SYTL5: variants seen among roughly 807,000 people sequenced by gnomAD.
The protein encoded by SYTL5 is synaptotagmin like 5.
Under a neutral mutation model 55.9 loss-of-function variants are expected in SYTL5, and 34 were observed. The ratio of observed to expected loss-of-function variants is 0.61; its 90% CI spans 0.46 to 0.81. The LOEUF (loss-of-function observed/expected upper bound fraction) is 0.81, where lower values mean the gene tolerates loss of function less well. Among genes scored for constraint, SYTL5 ranks in the 30% least tolerant of loss-of-function variants. The probability of loss-of-function intolerance (pLI) is 0.00; values close to 1 mark genes in which losing one functional copy is unlikely to be tolerated. For synonymous variants in SYTL5, 221 were observed against 188.7 expected (o/e 1.17, Z -1.40); for missense variants, 637 against 546.7 (o/e 1.17, Z -1.65).
chrX:37,982,016 C>T, the SYTL5 span, among the ~76,000 whole-genome samples: 8 of 112,097 alleles, frequency 7.1e-5, no homozygotes, highest in African/African-American at 2.6e-4. Flanking sequence ...AATTGTAAGA[C>T]ATTCAAAGAA....
chrX:38,062,922 G>T (rs962427037), intron 3 of SYTL5, among the ~76,000 whole-genome samples: 24 of 111,534 alleles, frequency 2.2e-4, no homozygotes, highest in South Asian at 1.5e-3. Context: ...AATTTATCAA[G>T]ATACCAATGT....
chrX:38,033,932 G>T lies in SYTL5; in HGVS notation c.43G>T (p.Asp15Tyr). Residue 15 changes from aspartate (D) to tyrosine (Y), a missense_variant, in exon 2 of 17, where the codon GAT (aspartate) becomes TAT (tyrosine). Coordinates refer to ENST00000297875, the MANE Select transcript of SYTL5 (RefSeq NM_138780.3). The stretch of plus-strand genomic sequence containing the variant: ...GTTCATCAATCTGTCATTTTTATTA[G>T]ATCATGAGAAGGAAATGATCCTGGG... ...SEFINLSFLL[D>Y]HEKEMILGVL... The T allele has an allele frequency of 8.3e-7, 1 of 1,199,286 alleles. No homozygotes were observed. Among genetic ancestry groups the T allele is most frequent in the Non-Finnish European group, 1.1e-6 (1 of 887,290 alleles).
intron 2 of SYTL5, among the ~76,000 whole-genome samples, chrX:38,039,985 C>A (rs938742944): frequency 1.8e-5 from 2 of 110,581 alleles, no homozygotes; most frequent in African/African-American, 6.6e-5. Flanking sequence ...ACCATCCTGG[C>A]TAACACGGTA....
the SYTL5 span, among the ~76,000 whole-genome samples, chrX:37,889,358 G>C: frequency 9.0e-6 from 1 of 111,426 alleles, no homozygotes; most frequent in Admixed American, 9.5e-5. Context: ...TCGTGGTGTG[G>C]CCAGGGCTCT....
the SYTL5 span, among the ~76,000 whole-genome samples, chrX:37,919,871 G>A: frequency 8.9e-6 from 1 of 111,981 alleles, no homozygotes; most frequent in African/African-American, 3.2e-5. Context: ...AATTACATTT[G>A]GGCAGTATTT....
the SYTL5 span, among the ~76,000 whole-genome samples, chrX:37,902,811 C>T: frequency 1.8e-5 from 2 of 111,696 alleles, no homozygotes; most frequent in Non-Finnish European, 3.8e-5. Flanking sequence ...CAAGAATTGT[C>T]CCTGGAGTTA....
chrX:37,895,744 G>T, the SYTL5 span, among the ~76,000 whole-genome samples: 2 of 109,749 alleles, frequency 1.8e-5, no homozygotes, highest in Non-Finnish European at 3.8e-5. Context: ...CTCTCTCGGA[G>T]GTGGTTAAGT....
rs186552978 is a variant in SYTL5 at position 38,108,493 on chromosome X, G to A, written c.1335-107G>A. The stretch of plus-strand genomic sequence containing the variant: ...AGACAAAATTCTCTTTGGTATTTCC[G>A]CTCATGCTCACTGGCCCTTTGCCCC... On this transcript the variant is annotated intron_variant, in intron 11 of 16. Transcript: ENST00000297875. 1,487 of 526,231 alleles carry A rather than the reference G, an allele frequency of 2.8e-3. 3 individuals carry two copies. The highest frequency in any genetic ancestry group is 4.2e-3 in the Non-Finnish European group (1,339 of 316,625). 43.4% of individuals were successfully genotyped at this position (526,231 alleles called of 1,213,427 possible). A position where few individuals can be genotyped will look rare whatever the true frequency, so the allele number is the denominator to read the frequency against.
chrX:38,127,421 A>G lies in SYTL5; in HGVS notation c.*691A>G, dbSNP rs1373511891. The G allele has an allele frequency of 8.9e-6, 1 of 112,272 alleles. No individual in the cohort carries two copies. The highest frequency in any genetic ancestry group is 1.9e-5 in the Non-Finnish European group (1 of 53,272). The allele number at this position is 112,272 out of a possible 1,213,427, so 9.3% of individuals were successfully genotyped here. On this transcript the variant is annotated 3_prime_UTR_variant, in exon 17 of 17. Coordinates refer to ENST00000297875, the MANE Select transcript of SYTL5 (RefSeq NM_138780.3). ...TGTAGGGTCACCCTACTGATGACCTAAGAGAGCTCTGTTTTAAACATTTAT... is the reference window on the plus strand; with the variant it reads ...TGTAGGGTCACCCTACTGATGACCTGAGAGAGCTCTGTTTTAAACATTTAT...
chrX:38,020,040 G>T (rs761313131), intron 1 of SYTL5, among the ~76,000 whole-genome samples: 2 of 110,915 alleles, frequency 1.8e-5, no homozygotes, highest in Non-Finnish European at 3.8e-5. Flanking sequence ...TCTTCAGACC[G>T]AACATGTCTT....
chrX:38,059,261 G>A (rs904270651), intron 3 of SYTL5, among the ~76,000 whole-genome samples: 3 of 111,306 alleles, frequency 2.7e-5, no homozygotes, highest in East Asian at 2.8e-4. Flanking sequence ...AGTCCCCTAC[G>A]GGACTACTTC....
At chrX:37,952,576 A>G in the SYTL5 span, among the ~76,000 whole-genome samples, 1 of 111,192 alleles carries the variant, frequency 9.0e-6, no homozygotes, top group African/African-American at 3.3e-5. Context: ...AACTGGGGTA[A>G]GGAGAGGGCC....
the SYTL5 span, among the ~76,000 whole-genome samples, chrX:37,921,819 A>G: frequency 1.8e-5 from 2 of 111,890 alleles, no homozygotes; most frequent in African/African-American, 6.5e-5. Flanking sequence ...CTGTAAATAT[A>G]AGAGGGAACA....
chrX:38,058,364 G>T (rs1377445964), intron 3 of SYTL5, among the ~76,000 whole-genome samples: 2 of 110,932 alleles, frequency 1.8e-5, no homozygotes, highest in African/African-American at 6.5e-5. Flanking sequence ...GATTATATTT[G>T]CTTTATATAT....
intron 13 of SYTL5, among the ~76,000 whole-genome samples, chrX:38,113,363 G>A (rs1937406196): frequency 8.9e-6 from 1 of 112,045 alleles, no homozygotes; most frequent in African/African-American, 3.2e-5. Flanking sequence ...CTGCCTTCAG[G>A]TAGAGAGTAA....
In SYTL5 at chrX:38,089,602, C is replaced by T. The variant is rs1483600236; in HGVS notation, c.831+15C>T. 4 of 1,198,880 alleles carry T rather than the reference C, an allele frequency of 3.3e-6. No homozygotes were observed. In the East Asian group the frequency reaches 1.2e-4, roughly 36 times the overall value. ...TCATCAGTAGAGTAAGTACACAAAC[C>T]TGATGAACACCGTATTAGTTCATTC... is the stretch of plus-strand genomic sequence containing the variant. On this transcript the variant is annotated intron_variant, in intron 7 of 16. Transcript: ENST00000297875.
intron 2 of SYTL5, among the ~76,000 whole-genome samples, chrX:38,053,843 A>C (rs1935690451): frequency 8.9e-6 from 1 of 112,289 alleles, no homozygotes; most frequent in African/African-American, 3.2e-5. Context: ...TAGCAAAATA[A>C]TAGTGCTGGA....
intron 6 of SYTL5, among the ~76,000 whole-genome samples, chrX:38,078,385 C>T (rs1022891590): frequency 2.7e-5 from 3 of 109,897 alleles, no homozygotes; most frequent in Non-Finnish European, 5.7e-5. Flanking sequence ...CTCAGCCTCC[C>T]GAGTAGCTGG....
At chrX:38,072,650 G>A (rs1275897212) in intron 4 of SYTL5, among the ~76,000 whole-genome samples, 1 of 111,756 alleles carries the variant, frequency 8.9e-6, no homozygotes, top group East Asian at 2.8e-4. Context: ...GGCAAGGGGG[G>A]CATTTCTGGT....
Sources: allele counts gnomAD v4.1 joint callset (sites outside exome capture counted in the v4.1 genomes callset), GRCh38; gene constraint gnomAD v4.1.1; transcripts MANE v1.5; gene names NCBI Gene and HGNC (gene_info 2026-07-23, HGNC 2026-07-21).